Variants in PRAMEF1 observed in about 807,000 individuals in gnomAD.
PRAMEF1 encodes the protein PRAME family member 1.
A neutral mutation model predicts 38.2 loss-of-function variants in PRAMEF1; 21 were observed. The observed-to-expected ratio is 0.55, with a 90% CI of 0.39 to 0.79. The LOEUF (loss-of-function observed/expected upper bound fraction) is 0.79, where lower values mean the gene tolerates loss of function less well. Among genes scored for constraint, PRAMEF1 ranks in the 30% least tolerant of loss-of-function variants. PRAMEF1 has a pLI of 0.00. For synonymous variants in PRAMEF1, 200 were observed against 229.0 expected, an observed-to-expected ratio of 0.87 and a Z score of 1.14; for missense variants, 497 against 565.8, an observed-to-expected ratio of 0.88 and a Z score of 1.23.
At chr1:12,793,602 G>A (rs1639335009) in intron 2 of PRAMEF1, 88 bp downstream of exon 2, 5 of 1,545,024 alleles carry the variant, frequency 3.2e-6, no homozygotes, top group African/African-American at 1.4e-5. Flanking sequence ...CCCAAGTGTG[G>A]CCCAGAGTCT....
Position 12,793,483 on chromosome 1 carries a change from C to A in PRAMEF1, c.256C>A (p.His86Asn). ...ETLKALLEGL[H>N]MLLTQKDRPR... ...CTTAAAAGCATTGCTGGAAGGGCTT[C>A]ATATGCTGCTTACACAGAAGGATCG... Residue 86 changes from histidine (H) to asparagine (N), a missense_variant, in exon 2 of 4, where the codon CAT becomes AAT. Physicochemically the swap from His to Asn is moderately conservative, Grantham distance 68. Around this residue, in one of 2 missense-constraint regions of PRAMEF1, gnomAD observed 470 missense variants for 501.9 expected, o/e 0.94. Coordinates refer to ENST00000332296, the MANE Select transcript of PRAMEF1 (RefSeq NM_023013.4). The A allele has an allele frequency of 6.2e-7, 1 of 1,608,904 alleles. No individual in the cohort carries two copies. The highest frequency in any genetic ancestry group is 2.3e-5 in the East Asian group (1 of 44,356).
At chr1:12,792,260 G>A (rs1233991285) in intron 1 of PRAMEF1, among the ~76,000 whole-genome samples, 2 of 151,326 alleles carry the variant, frequency 1.3e-5, no homozygotes, top group Non-Finnish European at 3.0e-5. Context: ...GACCTCAGGA[G>A]ATCTGCCCAC....
chr1:12,792,153 C>G (rs1639304625), intron 1 of PRAMEF1, among the ~76,000 whole-genome samples: 1 of 150,888 alleles, frequency 6.6e-6, no homozygotes, highest in Non-Finnish European at 1.5e-5. Context: ...TCCTGAGTAG[C>G]TTGGATTACA....
Position 12,794,237 on chromosome 1 carries a change from C to A in PRAMEF1, c.610C>A (p.Leu204Met), listed in dbSNP as rs1063767. ...YLRKSLKIIYLNSIQELEIRN... is the reference protein window; with the variant it reads ...YLRKSLKIIYMNSIQELEIRN... ...CAGAAAGTCATTGAAAATAATATAC[C>A]TGAATAGTATTCAAGAGCTGGAAAT... Residue 204 changes from leucine to methionine, a missense_variant, in exon 3 of 4, where the codon CTG (leucine) becomes ATG (methionine). By Grantham distance (15) the Leu-to-Met change is conservative. Coordinates refer to ENST00000332296, the MANE Select transcript of PRAMEF1 (RefSeq NM_023013.4). The A allele has an allele frequency of 1.4e-5, 22 of 1,611,640 alleles. 2 individuals are homozygous for A. The highest frequency in any genetic ancestry group is 9.4e-5 in the African/African-American group (7 of 74,838).
Position 12,794,961 on chromosome 1 carries a change from C to G in PRAMEF1, c.866+468C>G, listed in dbSNP as rs563967335. 5.3e-6 allele frequency: 7 copies of G among 1,317,924 alleles called. No individual in the cohort carries two copies. In the Admixed American group the frequency reaches 6.9e-5, roughly 13 times the overall value. 81.6% of individuals were successfully genotyped at this position (1,317,924 alleles called of 1,614,324 possible). A position where few individuals can be genotyped will look rare whatever the true frequency, so the allele number is the denominator to read the frequency against. On this transcript the variant is annotated intron_variant, in intron 3 of 3. Coordinates refer to ENST00000332296, the MANE Select transcript of PRAMEF1 (RefSeq NM_023013.4). ...TGTTTGTAAAAGGTTGTTTTGAACT[C>G]CAGGAAAGGTAATTGACATGGGAAA... is the stretch of plus-strand genomic sequence containing the variant.
rs775340022 is a variant in PRAMEF1, at chr1:12,794,364, C to T, written c.737C>T (p.Thr246Met). ...KLVFSRCHHY[T>M]SDNELEGRLV... ...GTTTTCTCCAGGTGCCATCATTACACGTCAGATAATGAACTCGAAGGACGG... is the reference window on the plus strand; with the variant it reads ...GTTTTCTCCAGGTGCCATCATTACATGTCAGATAATGAACTCGAAGGACGG... The change falls in exon 3 of 4, where the codon ACG becomes ATG. Residue 246 changes from threonine to methionine, a missense_variant. Thr to Met is a moderately conservative substitution (Grantham distance 81, BLOSUM62 -1). Coordinates refer to ENST00000332296, the MANE Select transcript of PRAMEF1 (RefSeq NM_023013.4). The T allele has an allele frequency of 3.7e-5, 60 of 1,611,970 alleles. No individual in the cohort carries two copies. Among genetic ancestry groups the T allele is most frequent in the Non-Finnish European group, 4.6e-5 (54 of 1,179,038 alleles).
rs1639328036 is a variant in PRAMEF1, at chr1:12,793,342, C to A, written c.115C>A (p.Leu39Ile). 2.5e-6 allele frequency: 4 copies of A among 1,609,446 alleles called. No homozygotes were observed. Among genetic ancestry groups the A allele is most frequent in the South Asian group, 2.2e-5 (2 of 90,468 alleles). Residue 39 changes from leucine (L) to isoleucine (I), a missense_variant, in exon 2 of 4, where the codon CTC (leucine) becomes ATC (isoleucine). By Grantham distance (5) the Leu-to-Ile change is conservative. Around this residue, in one of 2 missense-constraint regions of PRAMEF1, gnomAD observed 470 missense variants for 501.9 expected, o/e 0.94. Transcript: ENST00000332296. Reference sequence around the variant, plus strand: ...GCTGCCCAGGGTGCTCTATCTCCCACTCTTCATGGAGGCCTTCAGCAGGAG... The same window carrying A: ...GCTGCCCAGGGTGCTCTATCTCCCAATCTTCATGGAGGCCTTCAGCAGGAG... Reference protein sequence around the residue: ...EELPRVLYLPLFMEAFSRRHF... With the variant: ...EELPRVLYLPIFMEAFSRRHF...
At position 12,795,848 on chromosome 1, in the gene PRAMEF1, A is replaced by G. The variant is rs145256543; in HGVS notation, c.1277A>G (p.Asn426Ser). 20 of 1,610,546 alleles carry G rather than the reference A, an allele frequency of 1.2e-5. No homozygotes were observed. The Admixed American group carries it at 1.7e-4, about 13-fold the overall frequency. ...AGTTTGAATTCCTTGGTTCGTGTCA[A>G]TTGGGAGATCTTCACCCCACTTCGG... ...EESLNSLVRVNWEIFTPLRAE... is the reference protein window; with the variant it reads ...EESLNSLVRVSWEIFTPLRAE... The change falls in exon 4 of 4, where the codon AAT becomes AGT. Residue 426 changes from asparagine (N) to serine (S), a missense_variant. Coordinates refer to ENST00000332296, the MANE Select transcript of PRAMEF1 (RefSeq NM_023013.4).
At position 12,794,915 on chromosome 1, in the gene PRAMEF1, A is replaced by G. The variant is rs1359616060; in HGVS notation, c.866+422A>G. 9.0e-6 allele frequency: 12 copies of G among 1,326,548 alleles called. No homozygotes were observed. The Admixed American group carries it at 2.7e-4, about 30-fold the overall frequency. The allele number at this position is 1,326,548 out of a possible 1,614,324, so 82.2% of individuals were successfully genotyped here. ...GTCCTCACCGGCTTAGTGATCACGAATGATCCTGTCTCTGATTCCCTGTTT... is the reference window on the plus strand; with the variant it reads ...GTCCTCACCGGCTTAGTGATCACGAGTGATCCTGTCTCTGATTCCCTGTTT... On this transcript the variant is annotated intron_variant, in intron 3 of 3. Transcript: ENST00000332296.
rs149437368 is a variant in PRAMEF1 at position 12,794,180 on chromosome 1, C to A, written c.553C>A (p.Leu185Met). 2 of 1,603,562 alleles carry A rather than the reference C, an allele frequency of 1.2e-6. No individual in the cohort carries two copies. Among genetic ancestry groups the A allele is most frequent in the Non-Finnish European group, 1.7e-6 (2 of 1,173,932 alleles). ...RGLVHLCCSKLVNYLTPIKYL... is the reference protein window; with the variant it reads ...RGLVHLCCSKMVNYLTPIKYL... ...TTTAGTACACCTGTGCTGTAGTAAG[C>A]TGGTCAATTATCTAACGCCGATTAA... Residue 185 changes from leucine (L) to methionine (M), a missense_variant, in exon 3 of 4, where the codon CTG becomes ATG. Physicochemically the swap from Leu to Met is conservative, Grantham distance 15 (BLOSUM62 2). This residue lies in a region of PRAMEF1 where 470 missense variants were observed against 501.9 expected (regional missense o/e 0.94). Coordinates refer to ENST00000332296, the MANE Select transcript of PRAMEF1 (RefSeq NM_023013.4).
Position 12,794,431 on chromosome 1 carries a change from C to T in PRAMEF1, c.804C>T (p.His268=), listed in dbSNP as rs1639355424. 5.6e-6 allele frequency: 9 copies of T among 1,610,350 alleles called. No homozygotes were observed. The highest frequency in any genetic ancestry group is 4.0e-5 in the African/African-American group (3 of 74,630). ...GCTCTGTGTTCCTCAGGCTGGAACA[C>T]CTTCAGTTGCTTAAAATAAAATTGA... ...KFSSVFLRLE[H]LQLLKIKLIT... The change falls in exon 3 of 4, where the codon CAC becomes CAT. Residue 268 remains histidine, a synonymous_variant. Coordinates refer to ENST00000332296, the MANE Select transcript of PRAMEF1 (RefSeq NM_023013.4).
In PRAMEF1 at chr1:12,796,190, G is replaced by A; in HGVS notation, c.*194G>A. ...TGCTCCAGCTGGTCTCAAACTGCTG[G>A]GCTTATGGGATCCTCCTGCCTCAGC... On this transcript the variant is annotated 3_prime_UTR_variant, in exon 4 of 4. Coordinates refer to ENST00000332296, the MANE Select transcript of PRAMEF1 (RefSeq NM_023013.4). 2.6e-6 allele frequency: 3 copies of A among 1,133,054 alleles called. No individual in the cohort carries two copies. Among genetic ancestry groups the A allele is most frequent in the Non-Finnish European group, 3.6e-6 (3 of 827,336 alleles). The allele number at this position is 1,133,054 out of a possible 1,614,324, so 70.2% of individuals were successfully genotyped here. A position where few individuals can be genotyped will look rare whatever the true frequency, so the allele number is the denominator to read the frequency against.
In PRAMEF1 at chr1:12,795,583, G is replaced by C. The variant is rs139798913; in HGVS notation, c.1012G>C (p.Glu338Gln). ...CGTGCTGCTGTTCCGCATCAGTCTT[G>C]AACCCCTCGGAGCTCTGCTGGAGAA... ...SYVLLFRISL[E>Q]PLGALLEKIA... is the part of the protein sequence containing the mutation. The change falls in exon 4 of 4, where the codon GAA (glutamate) becomes CAA (glutamine). Residue 338 changes from glutamate (E) to glutamine (Q), a missense_variant. Around this residue, in one of 2 missense-constraint regions of PRAMEF1, gnomAD observed 470 missense variants for 501.9 expected, o/e 0.94. Transcript: ENST00000332296. 9 of 1,611,970 alleles carry C rather than the reference G, an allele frequency of 5.6e-6. No homozygotes were observed. Among genetic ancestry groups the C allele is most frequent in the Non-Finnish European group, 7.6e-6 (9 of 1,179,776 alleles).
At chr1:12,793,813 A>T in intron 2 of PRAMEF1, 102 bp from the exon 3 acceptor site, 1 of 1,415,516 alleles carries the variant, frequency 7.1e-7, no homozygotes, top group Middle Eastern at 2.6e-4. Context: ...GAGAACAGGG[A>T]GCACTGAGGA....
Position 12,796,081 on chromosome 1 carries a change from A to T in PRAMEF1, c.*85A>T, listed in dbSNP as rs1045469680. On this transcript the variant is annotated 3_prime_UTR_variant, in exon 4 of 4. Transcript: ENST00000332296. ...AAAATCTACTATGTGGGTGCAAACT[A>T]TTTTTCTCTTTTCTTATTTATTTCA... The T allele has an allele frequency of 5.7e-5, 77 of 1,351,770 alleles. 4 individuals are homozygous for T. Among genetic ancestry groups the T allele is most frequent in the Non-Finnish European group, 7.3e-5 (73 of 998,066 alleles). The allele number at this position is 1,351,770 out of a possible 1,614,324, so 83.7% of individuals were successfully genotyped here. A position where few individuals can be genotyped will look rare whatever the true frequency, so the allele number is the denominator to read the frequency against.
At position 12,793,909 on chromosome 1, in the gene PRAMEF1, C is replaced by A. The variant is rs1369387806; in HGVS notation, c.288-6C>A. 7.5e-6 allele frequency: 12 copies of A among 1,608,436 alleles called. No individual in the cohort carries two copies. Among genetic ancestry groups the A allele is most frequent in the African/African-American group, 1.3e-5 (1 of 74,598 alleles). On this transcript the variant is annotated splice_polypyrimidine_tract_variant and splice_region_variant and intron_variant, in intron 2 of 3. Coordinates refer to ENST00000332296, the MANE Select transcript of PRAMEF1 (RefSeq NM_023013.4). ...ATTCTGAGTCTCTCCCTTACTTTAC[C>A]CACAGGAGGTGGAAACTTCAAGTGC...
At position 12,795,617 on chromosome 1, in the gene PRAMEF1, C is replaced by T. The variant is rs150001555; in HGVS notation, c.1046C>T (p.Ala349Val). The part of the protein sequence containing the change: ...PLGALLEKIA[A>V]SLKTLILEGC... ...GGAGCTCTGCTGGAGAAAATTGCTG[C>T]CTCTCTCAAAACCCTCATCTTGGAG... The change falls in exon 4 of 4, where the codon GCC becomes GTC. Residue 349 changes from alanine to valine, a missense_variant. Physicochemically the swap from Ala to Val is moderately conservative, Grantham distance 64 (BLOSUM62 0). This residue lies in a region of PRAMEF1 where 470 missense variants were observed against 501.9 expected (regional missense o/e 0.94). Transcript: ENST00000332296. 9,546 of 1,542,676 alleles carry T rather than the reference C, an allele frequency of 6.2e-3. 563 individuals carry two copies. The highest frequency in any genetic ancestry group is 0.024 in the East Asian group (981 of 41,068).
Position 12,795,824 on chromosome 1 carries a change from G to C in PRAMEF1, c.1253G>C (p.Ser418Thr), listed in dbSNP as rs1201777286. 6 of 1,610,520 alleles carry C rather than the reference G, an allele frequency of 3.7e-6. No homozygotes were observed. Among genetic ancestry groups the C allele is most frequent in the Admixed American group, 1.7e-5 (1 of 59,722 alleles). The change falls in exon 4 of 4, where the codon AGT (serine) becomes ACT (threonine). Residue 418 changes from serine to threonine, a missense_variant. Coordinates refer to ENST00000332296, the MANE Select transcript of PRAMEF1 (RefSeq NM_023013.4). ...GAGACGTATCCTGCCCCTGAGGAGA[G>C]TTTGAATTCCTTGGTTCGTGTCAAT... is the stretch of plus-strand genomic sequence containing the variant. ...SLETYPAPEE[S>T]LNSLVRVNWE... is the part of the protein sequence containing the mutation.
At chr1:12,795,365 A>G (rs1639376466) in intron 3 of PRAMEF1, 73 bp from the exon 4 acceptor site, 1 of 1,550,788 alleles carries the variant, frequency 6.4e-7, no homozygotes, top group Non-Finnish European at 8.8e-7. Context: ...TGACGCAGGC[A>G]TTTTCCTAGA....
Sources: allele counts gnomAD v4.1 joint callset (sites outside exome capture counted in the v4.1 genomes callset), GRCh38; gene constraint gnomAD v4.1.1; regional missense constraint gnomAD v4.1.1; transcripts MANE v1.5; gene names NCBI Gene and HGNC (gene_info 2026-07-23, HGNC 2026-07-21).